Variants in DPP6 observed in about 807,000 individuals in gnomAD.
DPP6 encodes the protein A-type potassium channel modulatory protein DPP6.
DPP6 carries 69 observed loss-of-function variants against 122.6 expected under a neutral mutation model. The observed-to-expected ratio is 0.56, with a 90% CI of 0.46 to 0.69. The LOEUF (loss-of-function observed/expected upper bound fraction) is 0.69, where lower values mean the gene tolerates loss of function less well. Ranked by LOEUF, DPP6 falls within the 30% of genes least tolerant of loss-of-function variation. The probability of loss-of-function intolerance (pLI) is 0.00; values close to 1 mark genes in which losing one functional copy is unlikely to be tolerated. For synonymous variants in DPP6, 418 were observed against 433.1 expected (o/e 0.97, Z 0.43); for missense variants, 928 against 1,116.9 (o/e 0.83, Z 2.41).
At chr7:153,754,366 A>G in the DPP6 span, among the ~76,000 whole-genome samples, 2 of 152,162 alleles carry the variant, frequency 1.3e-5, no homozygotes, top group African/African-American at 4.8e-5. Flanking sequence ...CAGCACTTTA[A>G]AGATGGCATT....
rs143898217 is a variant in DPP6 at position 154,730,014 on chromosome 7, C to A, written c.883+2127C>A. On this transcript the variant is annotated intron_variant, in intron 8 of 25. Coordinates refer to ENST00000377770, the MANE Select transcript of DPP6 (RefSeq NM_130797.4). ...AGCACAAAGGGAAGCTCCGGAGGGG[C>A]TGCACCTCTGCCTGGGGTGCAATCC... 5.1e-4 allele frequency among the ~76,000 whole-genome samples: 77 copies of A among 152,316 alleles called. 1 individual carries two copies. Among genetic ancestry groups the A allele is most frequent in the African/African-American group, 1.6e-3 (66 of 41,578 alleles).
At chr7:154,139,860 C>G (rs1048045414) in intron 1 of DPP6, among the ~76,000 whole-genome samples, 3 of 152,170 alleles carry the variant, frequency 2.0e-5, no homozygotes, top group African/African-American at 4.8e-5. Flanking sequence ...ACACATGGCC[C>G]TTTATGCAGC....
rs554445262 is a variant in DPP6, at chr7:154,160,724, G to T, written c.243+107661G>T. ...TTGGTGTTTCTAATATGTACATTCG[G>T]CTCACTTCCAGAAGACAGAGATGGG... On this transcript the variant is annotated intron_variant, in intron 1 of 25. Coordinates refer to ENST00000377770, the MANE Select transcript of DPP6 (RefSeq NM_130797.4). 7.2e-5 allele frequency among the ~76,000 whole-genome samples: 11 copies of T among 152,142 alleles called. No individual in the cohort carries two copies. In the East Asian group the frequency reaches 2.1e-3, roughly 30 times the overall value.
chr7:153,822,527 A>G, the DPP6 span, among the ~76,000 whole-genome samples: 1 of 152,164 alleles, frequency 6.6e-6, no homozygotes, highest in Non-Finnish European at 1.5e-5. Flanking sequence ...GTTAGAATAT[A>G]GAGCTTCTTC....
At chr7:153,788,980 A>C in the DPP6 span, among the ~76,000 whole-genome samples, 2 of 151,796 alleles carry the variant, frequency 1.3e-5, no homozygotes, top group Non-Finnish European at 1.5e-5. Flanking sequence ...AAAAAAAAAA[A>C]AGTATTCCTG....
At chr7:154,507,014 C>T (rs1444639001) in intron 3 of DPP6, among the ~76,000 whole-genome samples, 1 of 152,154 alleles carries the variant, frequency 6.6e-6, no homozygotes, top group East Asian at 1.9e-4. Context: ...TGTGAGTTTG[C>T]CAAAGCCTCC....
chr7:153,805,746 G>A, the DPP6 span, among the ~76,000 whole-genome samples: 16,948 of 152,026 alleles, frequency 0.11, 1,218 homozygotes, highest in Middle Eastern at 0.16. Context: ...GCAAACTACC[G>A]CAAGGACAAA....
chr7:154,072,832 A>C (rs1214851712), intron 1 of DPP6, among the ~76,000 whole-genome samples: 1 of 152,280 alleles, frequency 6.6e-6, no homozygotes, highest in Non-Finnish European at 1.5e-5. Context: ...GAAGGAAAGC[A>C]ACTGTCGGAA....
intron 1 of DPP6, among the ~76,000 whole-genome samples, chr7:153,924,083 G>A (rs184450887): frequency 6.2e-4 from 94 of 151,510 alleles, no homozygotes; most frequent in South Asian, 3.8e-3. Flanking sequence ...CCTTATATGT[G>A]TAACATAAAA....
chr7:154,074,889 T>A (rs1470738752), intron 1 of DPP6, among the ~76,000 whole-genome samples: 6 of 151,184 alleles, frequency 4.0e-5, no homozygotes, highest in African/African-American at 1.5e-4. Flanking sequence ...GGAGAAAATA[T>A]TTGCAAACTA....
chr7:154,886,674 G>C (rs1806179582), intron 22 of DPP6, among the ~76,000 whole-genome samples: 2 of 152,208 alleles, frequency 1.3e-5, no homozygotes, highest in Admixed American at 1.3e-4. Flanking sequence ...GCTTCCTGCT[G>C]CTGGTCCACC....
At chr7:153,804,294 C>T in the DPP6 span, among the ~76,000 whole-genome samples, 1 of 152,028 alleles carries the variant, frequency 6.6e-6, no homozygotes, top group African/African-American at 2.4e-5. Context: ...TCGGGTGATC[C>T]ACCTGCCTTG....
chr7:154,150,523 A>G (rs3115172), intron 1 of DPP6, among the ~76,000 whole-genome samples: 2 of 152,258 alleles, frequency 1.3e-5, no homozygotes, highest in Non-Finnish European at 2.9e-5. Flanking sequence ...AGAAAGGCCC[A>G]AGGGCACATC....
chr7:153,853,480 T>C, the DPP6 span, among the ~76,000 whole-genome samples: 1,561 of 152,332 alleles, frequency 0.01, 11 homozygotes, highest in Non-Finnish European at 0.015. Flanking sequence ...CCAAGAAACA[T>C]TGTTGTCAAC....
rs147344904 is a variant in DPP6, at chr7:154,180,646, C to T, written c.243+127583C>T. Among the ~76,000 whole-genome samples the T allele has an allele frequency of 5.7e-3, 857 of 151,156 alleles. 7 individuals are homozygous for T. The highest frequency in any genetic ancestry group is 0.019 in the African/African-American group (795 of 41,208). On this transcript the variant is annotated intron_variant, in intron 1 of 25. Transcript: ENST00000377770. ...TAAACACTTAGATCCATGAATATCCCGTTTTTTTACTAATGTGGGCGATGA... is the reference window on the plus strand; with the variant it reads ...TAAACACTTAGATCCATGAATATCCTGTTTTTTTACTAATGTGGGCGATGA...
At chr7:153,902,180 A>G (rs1362848777) in intron 1 of DPP6, among the ~76,000 whole-genome samples, 1 of 152,232 alleles carries the variant, frequency 6.6e-6, no homozygotes, top group Non-Finnish European at 1.5e-5. Flanking sequence ...TTATATAGCC[A>G]GGCAGATGCA....
chr7:153,938,845 C>T (rs17173840), intron 1 of DPP6, among the ~76,000 whole-genome samples: 2,811 of 152,290 alleles, frequency 0.018, 88 homozygotes, highest in African/African-American at 0.064. Context: ...GCAGAGTGCA[C>T]GGAATGGCCG....
At chr7:154,720,451 A>G (rs1396076539) in intron 7 of DPP6, among the ~76,000 whole-genome samples, 2 of 152,246 alleles carry the variant, frequency 1.3e-5, no homozygotes, top group Non-Finnish European at 2.9e-5. Context: ...GGGAGACCTG[A>G]GCATTTACCT....
At chr7:154,616,590 G>A (rs74726169) in intron 5 of DPP6, among the ~76,000 whole-genome samples, 2,862 of 152,092 alleles carry the variant, frequency 0.019, 87 homozygotes, top group African/African-American at 0.064. Context: ...ACTCTCGGGC[G>A]CGAGCGAATC....
Sources: gnomAD v4.1 joint callset for allele counts (sites outside exome capture counted in the v4.1 genomes callset) on GRCh38, gnomAD v4.1.1 for gene constraint, MANE v1.5 for transcripts, NCBI Gene and HGNC (gene_info 2026-07-23, HGNC 2026-07-21) for gene names.